Variants in CDC14B observed in about 807,000 individuals in gnomAD.
CDC14B encodes the protein cell division cycle 14B, also known as dual specificity protein phosphatase CDC14B.
Under a neutral mutation model 64.2 loss-of-function variants are expected in CDC14B, and 22 were observed. The ratio of observed to expected loss-of-function variants is 0.34; its 90% CI spans 0.24 to 0.49. CDC14B has a LOEUF of 0.49. Ranked by LOEUF, CDC14B falls within the 20% of genes least tolerant of loss-of-function variation. The pLI is 0.99. For synonymous variants in CDC14B, 191 were observed against 215.8 expected (o/e 0.89, Z 1.01); for missense variants, 498 against 629.9 (o/e 0.79, Z 2.24).
chr9:96,599,000 T>C (rs1846258060), intron 1 of CDC14B, among the ~76,000 whole-genome samples: 1 of 152,216 alleles, frequency 6.6e-6, no homozygotes, highest in Admixed American at 6.5e-5. Context: ...AAAATGTACT[T>C]TTCTCACATT....
chr9:96,596,298 G>C (rs1358968348), intron 1 of CDC14B, among the ~76,000 whole-genome samples: 7 of 149,278 alleles, frequency 4.7e-5, no homozygotes, highest in Non-Finnish European at 4.4e-5. Context: ...GGAGGCAGAG[G>C]TCATAGTGAG....
chr9:96,538,709 C>T (rs1027315223), intron 7 of CDC14B: 3 of 198,486 alleles, frequency 1.5e-5, no homozygotes, highest in African/African-American at 4.8e-5. Context: ...GGTAACAGAG[C>T]GAGACTTGGT....
chr9:96,493,824 C>A (rs1393426401), intron 13 of CDC14B, among the ~76,000 whole-genome samples: 1 of 152,182 alleles, frequency 6.6e-6, no homozygotes, highest in South Asian at 2.1e-4. Flanking sequence ...AACTTCATCT[C>A]TTAAAAAAAG....
intron 1 of CDC14B, among the ~76,000 whole-genome samples, chr9:96,614,406 C>G (rs1292381526): frequency 6.6e-6 from 1 of 152,076 alleles, no homozygotes; most frequent in Non-Finnish European, 1.5e-5. Flanking sequence ...TGGTCTTGAA[C>G]TCCTGGGCTC....
intron 4 of CDC14B, among the ~76,000 whole-genome samples, chr9:96,559,495 C>T (rs951774918): frequency 6.6e-6 from 1 of 152,206 alleles, no homozygotes; most frequent in African/African-American, 2.4e-5. Flanking sequence ...AAATCTTTAA[C>T]CAGAGGATTT....
At position 96,565,453 on chromosome 9, in the gene CDC14B, C is replaced by A; in HGVS notation, c.191G>T (p.Arg64Ile). The A allele has an allele frequency of 6.2e-7, 1 of 1,612,084 alleles. No individual in the cohort carries two copies. Among genetic ancestry groups the A allele is most frequent in the South Asian group, 1.1e-5 (1 of 90,972 alleles). ...ATGTACATTTGATGCACTCTTTGGTCTGCTGTAGAGAATGGCAAAACAAAG... is the reference window on the plus strand; with the variant it reads ...ATGTACATTTGATGCACTCTTTGGTATGCTGTAGAGAATGGCAAAACAAAG... ...DRLCFAILYS[R>I]PKSASNVHYF... is the part of the protein sequence containing the mutation. The change falls in exon 2 of 14, where the codon AGA (arginine) becomes ATA (isoleucine). Residue 64 changes from arginine (R) to isoleucine (I), a missense_variant. Physicochemically the swap from Arg to Ile is moderately conservative, Grantham distance 97 (BLOSUM62 -3). Coordinates refer to ENST00000375241, the MANE Select transcript of CDC14B (RefSeq NM_033331.4).
At chr9:96,541,474 T>C (rs929012751) in intron 6 of CDC14B, among the ~76,000 whole-genome samples, 1 of 152,218 alleles carries the variant, frequency 6.6e-6, no homozygotes. Flanking sequence ...ATATAGAATA[T>C]ACAAATCAAA....
rs1198803093 is a variant in CDC14B at position 96,523,406 on chromosome 9, AGGTT to A, written c.1096_1099del (p.Asn366SerfsTer12). 1 of 1,613,932 alleles carries A rather than the reference AGGTT, an allele frequency of 6.2e-7. No homozygotes were observed. Among genetic ancestry groups the A allele is most frequent in the African/African-American group, 1.3e-5 (1 of 74,888 alleles). On this transcript the variant is annotated frameshift_variant, in exon 11 of 14. Transcript: ENST00000375241. LOFTEE classifies it high-confidence loss of function. ...ACGAAAATAGTCCCCTTCCAGCCAG[AGGTT>A]GGTTTGCTTCCTAGAGCATTTAAAT...
chr9:96,543,922 G>C (rs1343308946), intron 5 of CDC14B, among the ~76,000 whole-genome samples: 2 of 152,088 alleles, frequency 1.3e-5, no homozygotes, highest in East Asian at 3.9e-4. Context: ...GTACACTTAA[G>C]ATTAGTGTTT....
At chr9:96,610,486 C>A (rs1273207061) in intron 1 of CDC14B, among the ~76,000 whole-genome samples, 1 of 152,110 alleles carries the variant, frequency 6.6e-6, no homozygotes, top group Non-Finnish European at 1.5e-5. Flanking sequence ...GCGTGAGCCA[C>A]CGCACCCGGC....
chr9:96,562,563 T>C, intron 4 of CDC14B, 130 bp downstream of exon 4: 2 of 709,488 alleles, frequency 2.8e-6, no homozygotes, highest in Non-Finnish European at 5.0e-6. Context: ...TGGTCAATTT[T>C]TTAAAAGCAA....
Position 96,619,206 on chromosome 9 carries a change from C to A in CDC14B, c.160+13G>T. Reference sequence around the variant, plus strand: ...CCGTCCGGGGCCCTCCGCGCGCCCACTGGCCGGCTCACCGGTGATGTCCAG... The same window carrying A: ...CCGTCCGGGGCCCTCCGCGCGCCCAATGGCCGGCTCACCGGTGATGTCCAG... On this transcript the variant is annotated intron_variant, in intron 1 of 13. Coordinates refer to ENST00000375241, the MANE Select transcript of CDC14B (RefSeq NM_033331.4). 1 of 1,274,742 alleles carries A rather than the reference C, an allele frequency of 7.8e-7. No individual in the cohort carries two copies. Among genetic ancestry groups the A allele is most frequent in the East Asian group, 3.1e-5 (1 of 32,248 alleles). The allele number at this position is 1,274,742 out of a possible 1,614,324, so 79.0% of individuals were successfully genotyped here. A position where few individuals can be genotyped will look rare whatever the true frequency, so the allele number is the denominator to read the frequency against.
At chr9:96,606,841 C>A (rs1266257568) in intron 1 of CDC14B, among the ~76,000 whole-genome samples, 2 of 151,970 alleles carry the variant, frequency 1.3e-5, no homozygotes, top group Non-Finnish European at 2.9e-5. Context: ...GCTGGGATTA[C>A]AGGCGTGAGC....
chr9:96,551,966 C>A, intron 4 of CDC14B, 94 bp from the exon 5 acceptor site: 1 of 1,470,240 alleles, frequency 6.8e-7, no homozygotes, highest in Non-Finnish European at 9.1e-7. Context: ...TTCCAACCAA[C>A]TGAGCAGGGT....
At chr9:96,564,168 C>A (rs1843604349) in intron 3 of CDC14B, among the ~76,000 whole-genome samples, 1 of 152,078 alleles carries the variant, frequency 6.6e-6, no homozygotes, top group African/African-American at 2.4e-5. Context: ...TAACTTCCTA[C>A]CGTGCATGGC....
At chr9:96,581,449 A>G (rs1845143736) in intron 1 of CDC14B, among the ~76,000 whole-genome samples, 2 of 152,008 alleles carry the variant, frequency 1.3e-5, no homozygotes, top group Admixed American at 1.3e-4. Context: ...AGCCTGGGCG[A>G]TAGAGACCTC....
intron 1 of CDC14B, among the ~76,000 whole-genome samples, chr9:96,614,987 C>T (rs758864818): frequency 1.8e-4 from 28 of 152,046 alleles, no homozygotes; most frequent in African/African-American, 6.0e-4. Context: ...ACTATAGGCA[C>T]GTGCCACCAT....
intron 5 of CDC14B, 138 bp downstream of exon 5, chr9:96,551,658 A>C: frequency 8.0e-7 from 1 of 1,246,964 alleles, no homozygotes; most frequent in Non-Finnish European, 1.1e-6. Context: ...TCACTGTGGA[A>C]AAACCCAGAT....
intron 12 of CDC14B, among the ~76,000 whole-genome samples, chr9:96,517,643 C>CAAAAAA (rs1016405679): frequency 0.032 from 1,110 of 34,574 alleles, 49 homozygotes; most frequent in African/African-American, 0.047. Context: ...GACTCCGTCT[C>CAAAAAA]AAAAAAAAAA....
Sources: allele counts gnomAD v4.1 joint callset (sites outside exome capture counted in the v4.1 genomes callset), GRCh38; gene constraint gnomAD v4.1.1; transcripts MANE v1.5; gene names NCBI Gene and HGNC (gene_info 2026-07-23, HGNC 2026-07-21).